Variants in NTRK1 observed in about 807,000 individuals in gnomAD.
The protein encoded by NTRK1 is high affinity nerve growth factor receptor.
Under a neutral mutation model 86.8 loss-of-function variants are expected in NTRK1, and 62 were observed. The ratio of observed to expected loss-of-function variants is 0.71; its 90% CI spans 0.58 to 0.88. The LOEUF (loss-of-function observed/expected upper bound fraction) is 0.88, where lower values mean the gene tolerates loss of function less well. NTRK1 is among the 40% of genes least tolerant of loss of function. The probability of loss-of-function intolerance (pLI) is 0.00; values close to 1 mark genes in which losing one functional copy is unlikely to be tolerated. For synonymous variants in NTRK1, 469 were observed against 456.6 expected (o/e 1.03, Z -0.35); for missense variants, 967 against 1,078.4 (o/e 0.90, Z 1.45).
chr1:156,846,567 G>C, intron 2 of NTRK1: 1 of 1,614,174 alleles, frequency 6.2e-7, no homozygotes, highest in Non-Finnish European at 8.5e-7. Flanking sequence ...GCTCCTTGAT[G>C]AGGGCTGTCC....
chr1:156,842,070 C>T (rs1039164689), intron 1 of NTRK1: 1 of 1,611,540 alleles, frequency 6.2e-7, no homozygotes, highest in Admixed American at 1.7e-5. Context: ...GGGAGTCTCT[C>T]TACTTTTCAG....
Position 156,842,190 on chromosome 1 carries a change from C to A in NTRK1, c.47C>A (p.Ala16Glu), listed in dbSNP as rs779943666. Residue 16 changes from alanine to glutamate, a missense_variant, in exon 2 of 17, where the codon GCA becomes GAA. Transcript: ENST00000392302. ...TCTCGGTGCACAAACTTGTTGGCAG[C>A]AAGGTAGGCCATGCCGTCTGCAATC... The A allele has an allele frequency of 1.9e-5, 30 of 1,613,920 alleles. No homozygotes were observed. Among genetic ancestry groups the A allele is most frequent in the Admixed American group, 8.3e-5 (5 of 59,994 alleles).
chr1:156,859,842 C>T (rs1655546966), upstream of NTRK1, among the ~76,000 whole-genome samples: 1 of 152,166 alleles, frequency 6.6e-6, no homozygotes, highest in Non-Finnish European at 1.5e-5. This position sits in a 1 kb window ranked among gnomAD's most constrained non-coding sequence, Gnocchi z 6.2. Flanking sequence ...AGACACCCCT[C>T]TTCCCTTCGC....
chr1:156,823,314 C>T (rs958596502), intron 1 of NTRK1, among the ~76,000 whole-genome samples: 1 of 152,238 alleles, frequency 6.6e-6, no homozygotes, highest in Non-Finnish European at 1.5e-5. Context: ...GGAGAAGGCT[C>T]CAACTCCACA....
rs138603010 is a variant in NTRK1, at chr1:156,841,339, G to C, written c.-63-742G>C. ...GTGAGCCAGAATCATGGGGCCGGGT[G>C]GGGGAGGGTTGTAGGTAGATCAACA... On this transcript the variant is annotated intron_variant, in intron 1 of 16. Coordinates refer to the NTRK1 transcript ENST00000392302. 1,645 of 1,549,584 alleles carry C rather than the reference G, an allele frequency of 1.1e-3. 13 individuals are homozygous for C. The African/African-American group carries it at 0.017, about 16-fold the overall frequency.
chr1:156,844,304 G>C, intron 2 of NTRK1: 1 of 1,595,860 alleles, frequency 6.3e-7, no homozygotes, highest in Non-Finnish European at 8.6e-7. Flanking sequence ...GGCAGCAGAG[G>C]GTAGAGTCAA....
chr1:156,840,748 T>C, intron 1 of NTRK1: 1 of 739,186 alleles, frequency 1.4e-6, no homozygotes, highest in Admixed American at 2.3e-5. Flanking sequence ...TCCTGTTCTC[T>C]GCCCCACCCT....
chr1:156,876,382 C>G lies in NTRK1; in HGVS notation c.1633-18C>G, dbSNP rs1647911238. ...GCTCGGCCCCCAACTCAGTCCTGTC[C>G]CTGCCGCTTCCATCCAGGCACTGAA... is the stretch of plus-strand genomic sequence containing the variant. On this transcript the variant is annotated intron_variant, in intron 13 of 16. Transcript: ENST00000524377. 1 of 1,613,420 alleles carries G rather than the reference C, an allele frequency of 6.2e-7. No homozygotes were observed. The highest frequency in any genetic ancestry group is 1.1e-5 in the South Asian group (1 of 91,054).
intron 2 of NTRK1, chr1:156,851,131 CA>C (rs1655189207): frequency 1.3e-6 from 1 of 772,692 alleles, no homozygotes; most frequent in Non-Finnish European, 2.3e-6. Flanking sequence ...CCCTATTTTA[CA>C]GATGAGAAAA....
At chr1:156,841,277 T>C (rs1209591314) in intron 1 of NTRK1, 1 of 1,089,918 alleles carries the variant, frequency 9.2e-7, no homozygotes, top group Non-Finnish European at 1.4e-6. Flanking sequence ...GTGGCGCTCA[T>C]AGCTGAGGGT....
rs201904010 is a variant in NTRK1 at position 156,876,388 on chromosome 1, G to A, written c.1633-12G>A. 87 of 1,613,650 alleles carry A rather than the reference G, an allele frequency of 5.4e-5. No individual in the cohort carries two copies. The African/African-American group carries it at 7.9e-4, about 15-fold the overall frequency. ...CCCCCAACTCAGTCCTGTCCCTGCC[G>A]CTTCCATCCAGGCACTGAAGGAGGC... is the stretch of plus-strand genomic sequence containing the variant. On this transcript the variant is annotated splice_polypyrimidine_tract_variant and intron_variant, in intron 13 of 16. Transcript: ENST00000524377.
At chr1:156,859,631 C>G (rs369228525), upstream of NTRK1, among the ~76,000 whole-genome samples, 11 of 152,150 alleles carry the variant, frequency 7.2e-5, no homozygotes, top group Non-Finnish European at 1.6e-4. This position sits in a 1 kb window ranked among gnomAD's most constrained non-coding sequence, Gnocchi z 6.2. Flanking sequence ...ACCAAGATCC[C>G]GAGGAAGAAG....
At chr1:156,864,545 G>C in intron 2 of NTRK1, 117 bp downstream of exon 2, 1 of 1,217,332 alleles carries the variant, frequency 8.2e-7, no homozygotes, top group Non-Finnish European at 1.2e-6. Flanking sequence ...TGAGCACTGA[G>C]GGACTGGGAG....
rs75289430 is a variant in NTRK1 at position 156,848,502 on chromosome 1, C to T, written c.50+6309C>T. ...AAGAGCAGCTGTGGTCCCTGGCGGC[C>T]CCTGCTCCCTCCCTTCCTAAGGCTT... On this transcript the variant is annotated intron_variant, in intron 2 of 16. Transcript: ENST00000392302. Among the ~76,000 whole-genome samples, 158 of 152,300 alleles carry T rather than the reference C, an allele frequency of 1.0e-3. 3 individuals are homozygous for T. The East Asian group carries it at 0.027, about 26-fold the overall frequency.
intron 6 of NTRK1, among the ~76,000 whole-genome samples, chr1:156,869,263 A>G (rs1647402715): frequency 6.6e-6 from 1 of 152,058 alleles, no homozygotes; most frequent in Non-Finnish European, 1.5e-5. Context: ...TATTTTTAGT[A>G]GAGACAGGGT....
intron 16 of NTRK1, 101 bp downstream of exon 16, chr1:156,880,258 C>T (rs1648179531): frequency 1.5e-6 from 2 of 1,344,834 alleles, no homozygotes; most frequent in African/African-American, 1.4e-5. Flanking sequence ...CCCTCTGCCA[C>T]AGCCTGTTGG....
intron 2 of NTRK1, chr1:156,853,677 C>T (rs1347454788): frequency 7.0e-7 from 1 of 1,421,404 alleles, no homozygotes; most frequent in African/African-American, 1.4e-5. Context: ...TGACCCACAC[C>T]ATCCTGTGGC....
intron 12 of NTRK1, 183 bp from the exon 13 acceptor site, chr1:156,875,897 G>T (rs1321909423): frequency 6.3e-6 from 7 of 1,117,408 alleles, no homozygotes; most frequent in Non-Finnish European, 9.2e-6. Flanking sequence ...GTCCTCTCGG[G>T]GCAGGTGCAG....
At chr1:156,875,910 C>T (rs972125417) in intron 12 of NTRK1, 170 bp from the exon 13 acceptor site, 1 of 1,180,018 alleles carries the variant, frequency 8.5e-7, no homozygotes. Context: ...AGGTGCAGCC[C>T]CACACTATGA....
Sources: gnomAD v4.1 joint callset for allele counts (sites outside exome capture counted in the v4.1 genomes callset) on GRCh38, gnomAD v4.1.1 for gene constraint, Gnocchi (gnomAD v3.1) non-coding constraint, MANE v1.5 for transcripts, NCBI Gene and HGNC (gene_info 2026-07-23, HGNC 2026-07-21) for gene names.